The following CEP63 variants were observed in gnomAD, a reference collection of about 807,000 sequenced individuals.
The protein encoded by CEP63 is centrosomal protein 63, also known as centrosomal protein of 63 kDa.
In CEP63, 84 loss-of-function variants were observed where a neutral mutation model predicts 89.1. That is an observed-to-expected ratio of 0.94 (90% CI 0.79 to 1.13). CEP63 has a LOEUF of 1.13. Ranked by LOEUF, CEP63 falls within the 50% of genes most tolerant of loss-of-function variation. CEP63 has a pLI of 0.00. For missense variants in CEP63, 838 were observed against 813.3 expected, an observed-to-expected ratio of 1.03 and a Z score of -0.37; for synonymous variants, 267 against 272.5, an observed-to-expected ratio of 0.98 and a Z score of 0.20.
At chr3:134,703,080 G>A in the CEP63 span, among the ~76,000 whole-genome samples, 53 of 152,186 alleles carry the variant, frequency 3.5e-4, 3 homozygotes, top group African/African-American at 1.2e-3. Flanking sequence ...TGGATCATGA[G>A]GTCAGGAGAT....
the CEP63 span, among the ~76,000 whole-genome samples, chr3:134,594,176 C>A: frequency 6.6e-6 from 1 of 152,154 alleles, no homozygotes; most frequent in Non-Finnish European, 1.5e-5. Context: ...TAAATAAACG[C>A]TTCCTCATTT....
the CEP63 span, among the ~76,000 whole-genome samples, chr3:134,601,983 T>TTACCAAGGCAC: frequency 1 from 151,746 of 152,288 alleles, 75,607 homozygotes; most frequent in Middle Eastern, 1. Flanking sequence ...CATCTGGTAC[T>TTACCAAGGCAC]TCTGTGAGCA....
At chr3:134,756,518 T>C in the CEP63 span, among the ~76,000 whole-genome samples, 6 of 152,110 alleles carry the variant, frequency 3.9e-5, no homozygotes, top group Admixed American at 3.9e-4. Context: ...CACACCTGGA[T>C]AGTTTTTGTA....
chr3:134,732,012 A>G, the CEP63 span, among the ~76,000 whole-genome samples: 120 of 152,284 alleles, frequency 7.9e-4, no homozygotes, highest in Non-Finnish European at 1.3e-3. Flanking sequence ...AGTTAATTAG[A>G]TAATCAGATA....
At chr3:134,756,270 C>T in the CEP63 span, among the ~76,000 whole-genome samples, 1 of 152,102 alleles carries the variant, frequency 6.6e-6, no homozygotes, top group African/African-American at 2.4e-5. Flanking sequence ...AGGGACTCCC[C>T]ATAGAGAGCT....
downstream of CEP63, among the ~76,000 whole-genome samples, chr3:134,592,278 A>G (rs1366226060): frequency 2.6e-5 from 4 of 152,352 alleles, no homozygotes; most frequent in East Asian, 3.9e-4. Flanking sequence ...GGAGGAGGCT[A>G]TAATGCCTTT....
chr3:134,604,621 C>A, the CEP63 span: 13 of 681,082 alleles, frequency 1.9e-5, no homozygotes, highest in Non-Finnish European at 2.9e-5. Context: ...TCACCACAGT[C>A]CATTTCAAGC....
intron 3 of CEP63, among the ~76,000 whole-genome samples, chr3:134,516,884 C>T (rs114271451): frequency 0.012 from 1,857 of 152,264 alleles, 16 homozygotes; most frequent in Admixed American, 0.014. Context: ...TCTTTCCTTT[C>T]CCCATACTTT....
downstream of CEP63, among the ~76,000 whole-genome samples, chr3:134,578,018 A>G (rs928945752): frequency 5.3e-5 from 8 of 152,106 alleles, no homozygotes; most frequent in Admixed American, 5.2e-4. Flanking sequence ...TATCCAGTCT[A>G]TCATTGATGG....
the CEP63 span, among the ~76,000 whole-genome samples, chr3:134,730,756 G>T: frequency 6.6e-6 from 1 of 151,848 alleles, no homozygotes; most frequent in Non-Finnish European, 1.5e-5. Context: ...TATCACTGGA[G>T]AAATTATTCT....
the CEP63 span, among the ~76,000 whole-genome samples, chr3:134,766,543 T>C: frequency 1.3e-5 from 2 of 152,232 alleles, no homozygotes; most frequent in Admixed American, 6.5e-5. Context: ...TGTACTATTC[T>C]TGTACTAGGA....
the CEP63 span, among the ~76,000 whole-genome samples, chr3:134,606,473 G>A: frequency 6.6e-6 from 1 of 152,082 alleles, no homozygotes; most frequent in East Asian, 1.9e-4. Context: ...AGGCTTCATG[G>A]TAATGTCCCC....
chr3:134,708,385 T>C, the CEP63 span, among the ~76,000 whole-genome samples: 2 of 152,362 alleles, frequency 1.3e-5, no homozygotes, highest in African/African-American at 4.8e-5. Context: ...TCTTGATGTG[T>C]CATTGAGGAA....
At chr3:134,630,783 G>C in the CEP63 span, among the ~76,000 whole-genome samples, 1 of 152,066 alleles carries the variant, frequency 6.6e-6, no homozygotes. Context: ...AATTTGAAAA[G>C]GAAAAGATAA....
chr3:134,771,762 G>C, the CEP63 span, among the ~76,000 whole-genome samples: 1 of 152,122 alleles, frequency 6.6e-6, no homozygotes, highest in African/African-American at 2.4e-5. Context: ...TGCACGTTGT[G>C]CATGTGTATC....
chr3:134,647,545 G>A, the CEP63 span: 9 of 1,189,420 alleles, frequency 7.6e-6, no homozygotes, highest in Non-Finnish European at 1.0e-5. Flanking sequence ...GGGCAAAAGA[G>A]TGATGTACCA....
At chr3:134,677,286 T>G in the CEP63 span, among the ~76,000 whole-genome samples, 1 of 152,186 alleles carries the variant, frequency 6.6e-6, no homozygotes, top group Non-Finnish European at 1.5e-5. Flanking sequence ...TGACTTTACT[T>G]CGCACCCTTT....
the CEP63 span, among the ~76,000 whole-genome samples, chr3:134,666,618 G>A: frequency 6.6e-6 from 1 of 152,078 alleles, no homozygotes; most frequent in Admixed American, 6.5e-5. Flanking sequence ...CCCCAGGAAG[G>A]GGTGGAGGCC....
chr3:134,491,829 G>A (rs1360744626), intron 1 of CEP63, among the ~76,000 whole-genome samples: 1 of 152,136 alleles, frequency 6.6e-6, no homozygotes. Context: ...CTTTAGACTT[G>A]AAGGTTAGGC....
Sources: allele counts gnomAD v4.1 joint callset (sites outside exome capture counted in the v4.1 genomes callset), GRCh38; gene constraint gnomAD v4.1.1; transcripts MANE v1.5; gene names NCBI Gene and HGNC (gene_info 2026-07-23, HGNC 2026-07-21).